Variants in PARD3B observed in about 807,000 individuals in gnomAD.
The protein encoded by PARD3B is partitioning defective 3 homolog B.
In PARD3B, 103 loss-of-function variants were observed where a neutral mutation model predicts 130.2. The ratio of observed to expected loss-of-function variants is 0.79; its 90% CI spans 0.67 to 0.93. The LOEUF is 0.93. PARD3B is among the 40% of genes least tolerant of loss of function. The pLI, the probability that PARD3B is intolerant of heterozygous loss-of-function variation, is 0.00. For missense variants in PARD3B, 1,609 were observed against 1,499.2 expected (o/e 1.07, Z -1.21); for synonymous variants, 583 against 553.2 (o/e 1.05, Z -0.76).
rs1352821216 is a variant in PARD3B, at chr2:204,949,282, ATCTTTG to A, written c.223-15859_223-15854del. On this transcript the variant is annotated intron_variant, in intron 2 of 22. Transcript: ENST00000406610. ...TTTCTCCTCTTTCAGTTAAACCAGT[ATCTTTG>A]TCTTTGTCTTCCTTTCTTTTTCTCT... Among the ~76,000 whole-genome samples the A allele has an allele frequency of 3.3e-5, 5 of 151,916 alleles. No individual in the cohort carries two copies. In the East Asian group the frequency reaches 9.7e-4, roughly 29 times the overall value.
intron 1 of PARD3B, among the ~76,000 whole-genome samples, chr2:204,561,449 G>A (rs1370455034): frequency 1.3e-5 from 2 of 152,138 alleles, no homozygotes; most frequent in African/African-American, 4.8e-5. Flanking sequence ...CTTGCCCTCT[G>A]GCTTCTAGTT....
intron 21 of PARD3B, among the ~76,000 whole-genome samples, chr2:205,537,751 T>A (rs773344741): frequency 1.3e-5 from 2 of 152,194 alleles, no homozygotes; most frequent in South Asian, 4.1e-4. Context: ...TACACACACA[T>A]GGTCCTGGCA....
chr2:204,868,885 G>A (rs759129167), intron 2 of PARD3B, among the ~76,000 whole-genome samples: 4 of 152,118 alleles, frequency 2.6e-5, no homozygotes, highest in Non-Finnish European at 2.9e-5. Context: ...GGTAGAAAGA[G>A]CATGCAACTT....
intron 1 of PARD3B, among the ~76,000 whole-genome samples, chr2:204,651,637 T>C (rs1014131326): frequency 6.6e-6 from 1 of 152,176 alleles, no homozygotes; most frequent in Non-Finnish European, 1.5e-5. Flanking sequence ...GTGGCCCTTT[T>C]CTCATAGCTC....
intron 2 of PARD3B, among the ~76,000 whole-genome samples, chr2:204,692,855 C>T (rs1339866170): frequency 6.6e-6 from 1 of 151,990 alleles, no homozygotes; most frequent in Admixed American, 6.6e-5. Flanking sequence ...CAAACAAGAC[C>T]TCAACAGTCA....
At position 205,158,970 on chromosome 2, in the gene PARD3B, T is replaced by G. The variant is rs1559496194; in HGVS notation, c.1620+63T>G. ...CACTTGGAGATGTGACTGTTGTACT[T>G]AGAGACTGAATGGAGAAAGTGTCTG... is the stretch of plus-strand genomic sequence containing the variant. On this transcript the variant is annotated intron_variant, in intron 11 of 22. Transcript: ENST00000406610. This position sits in a 1 kb window ranked among gnomAD's most constrained non-coding sequence, Gnocchi z 5.4. 2.3e-5 allele frequency: 36 copies of G among 1,554,494 alleles called. No individual in the cohort carries two copies. Among genetic ancestry groups the G allele is most frequent in the Non-Finnish European group, 3.2e-5 (36 of 1,134,366 alleles).
At chr2:204,568,718 G>A (rs973659905) in intron 1 of PARD3B, among the ~76,000 whole-genome samples, 2 of 152,182 alleles carry the variant, frequency 1.3e-5, no homozygotes, top group African/African-American at 4.8e-5. Context: ...ACTATGGGAG[G>A]CCCAGGTGGA....
chr2:204,650,570 A>C lies in PARD3B; in HGVS notation c.121-35611A>C, dbSNP rs771397634. 1.3e-5 allele frequency among the ~76,000 whole-genome samples: 2 copies of C among 152,326 alleles called. 1 individual carries two copies. The highest frequency in any genetic ancestry group is 4.2e-4 in the South Asian group (2 of 4,818). On this transcript the variant is annotated intron_variant, in intron 1 of 22. Coordinates refer to ENST00000406610, the MANE Select transcript of PARD3B (RefSeq NM_001302769.2). ...CATCATGGAATATTATGCAGCCATA[A>C]AAAGAAATGAGATCATGTTCTTTTT...
intron 2 of PARD3B, among the ~76,000 whole-genome samples, chr2:204,804,486 C>T (rs114585048): frequency 0.013 from 2,038 of 152,116 alleles, 53 homozygotes; most frequent in African/African-American, 0.047. Context: ...GTGGAGCACC[C>T]GGATATATAA....
At position 205,121,875 on chromosome 2, in the gene PARD3B, C is replaced by G. The variant is rs947839533; in HGVS notation, c.1091C>G (p.Ser364Cys). The G allele has an allele frequency of 2.5e-6, 4 of 1,614,056 alleles. No homozygotes were observed. The Admixed American group carries it at 5.0e-5, about 20-fold the overall frequency. Residue 364 changes from serine to cysteine, a missense_variant, in exon 8 of 23, where the codon TCT becomes TGT. Physicochemically the swap from Ser to Cys is moderately radical, Grantham distance 112. Transcript: ENST00000406610. The surrounding 1 kb of genome is among the most constrained non-coding windows in gnomAD (Gnocchi z 5.0). ...RVPRLGGKPS[S>C]PSLSPLMGFG... ...CCAAGGCTGGGAGGAAAACCATCCT[C>G]TCCCTCACTCTCGCCTCTCATGGGA... is the stretch of plus-strand genomic sequence containing the variant.
At chr2:204,998,460 T>TATATATGTATATATATGTGCATATA (rs1694518790) in intron 3 of PARD3B, among the ~76,000 whole-genome samples, 1 of 78,284 alleles carries the variant, frequency 1.3e-5, no homozygotes, top group Admixed American at 1.6e-4. Flanking sequence ...ATGTGTATAT[T>TATATATGTATATATATGTGCATATA]ATATATGTAT....
chr2:205,050,759 G>A (rs1037091878), intron 4 of PARD3B, among the ~76,000 whole-genome samples: 2 of 148,238 alleles, frequency 1.3e-5, no homozygotes, highest in Non-Finnish European at 3.0e-5. Flanking sequence ...AATTCTATTT[G>A]TGGTTCTTAT....
chr2:204,791,348 T>C (rs1223341233), intron 2 of PARD3B, among the ~76,000 whole-genome samples: 1 of 152,218 alleles, frequency 6.6e-6, no homozygotes, highest in Non-Finnish European at 1.5e-5. Flanking sequence ...TTGTTTCCTA[T>C]TGATATCTTC....
At chr2:205,474,541 T>C (rs556282303) in intron 20 of PARD3B, among the ~76,000 whole-genome samples, 1 of 152,310 alleles carries the variant, frequency 6.6e-6, no homozygotes. Context: ...TGTATCTTAA[T>C]TTATGTAACC....
chr2:204,648,570 ATATATATTATATAT>A (rs1170560264), intron 1 of PARD3B, among the ~76,000 whole-genome samples: 8 of 127,240 alleles, frequency 6.3e-5, no homozygotes, highest in Admixed American at 1.9e-4. Flanking sequence ...ATAAATATAA[ATATATATTATATAT>A]TATATTATAT....
intron 2 of PARD3B, among the ~76,000 whole-genome samples, chr2:204,696,695 T>G (rs2037626515): frequency 6.6e-6 from 1 of 152,078 alleles, no homozygotes; most frequent in African/African-American, 2.4e-5. Context: ...AATATCACAT[T>G]TAGAAAGAAA....
intron 2 of PARD3B, among the ~76,000 whole-genome samples, chr2:204,917,744 A>T (rs534242022): frequency 6.6e-6 from 1 of 152,344 alleles, no homozygotes; most frequent in Admixed American, 6.5e-5. Flanking sequence ...CCTTTTATTC[A>T]GAGCATTTCA....
intron 19 of PARD3B, among the ~76,000 whole-genome samples, chr2:205,429,340 C>CA (rs2047250534): frequency 1.3e-5 from 2 of 152,084 alleles, no homozygotes; most frequent in Admixed American, 6.6e-5. Context: ...TCAGATTTCC[C>CA]AATACTAAGT....
intron 18 of PARD3B, among the ~76,000 whole-genome samples, chr2:205,375,636 G>T (rs1299186908): frequency 6.6e-6 from 1 of 152,178 alleles, no homozygotes; most frequent in Non-Finnish European, 1.5e-5. Flanking sequence ...CTGCTCAAAG[G>T]CACTGGCAGC....
Sources: allele counts gnomAD v4.1 joint callset (sites outside exome capture counted in the v4.1 genomes callset), GRCh38; gene constraint gnomAD v4.1.1; non-coding constraint Gnocchi (gnomAD v3.1); transcripts MANE v1.5; gene names NCBI Gene and HGNC (gene_info 2026-07-23, HGNC 2026-07-21).